Variants in PTPRD observed in about 807,000 individuals in gnomAD.
The protein encoded by PTPRD is receptor-type tyrosine-protein phosphatase delta.
Under a neutral mutation model 214.5 loss-of-function variants are expected in PTPRD, and 34 were observed. The ratio of observed to expected loss-of-function variants is 0.16; its 90% CI spans 0.12 to 0.21. PTPRD has a LOEUF of 0.21. Among genes scored for constraint, PTPRD ranks in the 10% least tolerant of loss-of-function variants. The pLI is 1.00. For missense variants in PTPRD, 2,545 were observed against 2,398.7 expected (o/e 1.06, Z -1.27); for synonymous variants, 1,128 against 845.7 (o/e 1.33, Z -5.79).
chr9:9,542,133 A>T (rs1035560556), intron 8 of PTPRD, among the ~76,000 whole-genome samples: 2 of 151,726 alleles, frequency 1.3e-5, no homozygotes, highest in African/African-American at 4.8e-5. Flanking sequence ...TTACAGAAAA[A>T]AACGAAAAAA....
At chr9:10,468,622 A>G (rs1331630891) in intron 2 of PTPRD, among the ~76,000 whole-genome samples, 1 of 152,194 alleles carries the variant, frequency 6.6e-6, no homozygotes, top group Admixed American at 6.5e-5. Flanking sequence ...CATTCTGCAC[A>G]TGTATCCCAG....
intron 4 of PTPRD, among the ~76,000 whole-genome samples, chr9:10,019,096 C>G (rs528085795): frequency 6.6e-6 from 1 of 152,056 alleles, no homozygotes; most frequent in East Asian, 1.9e-4. Flanking sequence ...AACAAACAAC[C>G]CCATCAAAAA....
chr9:8,764,104 G>A (rs2094563933), intron 11 of PTPRD, among the ~76,000 whole-genome samples: 1 of 152,118 alleles, frequency 6.6e-6, no homozygotes, highest in Non-Finnish European at 1.5e-5. Context: ...AATAAATTAA[G>A]GACACTCTCA....
At chr9:10,482,818 G>A (rs140317952) in intron 2 of PTPRD, among the ~76,000 whole-genome samples, 10 of 151,964 alleles carry the variant, frequency 6.6e-5, no homozygotes, top group Admixed American at 1.3e-4. Context: ...CAGATGACAC[G>A]AACAAATGGA....
intron 30 of PTPRD, among the ~76,000 whole-genome samples, chr9:8,475,753 C>G (rs1226026513): frequency 6.6e-6 from 1 of 152,140 alleles, no homozygotes; most frequent in Admixed American, 6.6e-5. Flanking sequence ...CATACTTAAT[C>G]TATTGCTAAG....
rs57991748 is a variant in PTPRD, at chr9:9,998,129, A to AAAAAATATAT, written c.-472+35588_-472+35589insATATATTTTT. Among the ~76,000 whole-genome samples the AAAAAATATAT allele has an allele frequency of 1.0e-3, 95 of 91,434 alleles. 1 individual carries two copies. The highest frequency in any genetic ancestry group is 2.1e-3 in the African/African-American group (36 of 16,996). 60.0% of individuals were successfully genotyped at this position (91,434 alleles called of 152,430 possible). On this transcript the variant is annotated intron_variant, in intron 4 of 45. Transcript: ENST00000381196. ...TTAAAGTATAATAAAAAAAAAAAAA[A>AAAAAATATAT]ATATATATATATATATAAAAGAAGA...
At chr9:9,430,229 A>G (rs541881009) in intron 8 of PTPRD, among the ~76,000 whole-genome samples, 34 of 152,314 alleles carry the variant, frequency 2.2e-4, no homozygotes, top group Non-Finnish European at 4.6e-4. Context: ...TCAATGTGCA[A>G]AAATCACAAG....
chr9:8,726,990 A>G (rs559750639), intron 12 of PTPRD, among the ~76,000 whole-genome samples: 87 of 152,016 alleles, frequency 5.7e-4, no homozygotes, highest in African/African-American at 2.1e-3. Flanking sequence ...GAAAGGGAAA[A>G]GAAAAAGAAG....
chr9:9,626,222 C>A (rs2095421415), intron 7 of PTPRD, among the ~76,000 whole-genome samples: 1 of 152,188 alleles, frequency 6.6e-6, no homozygotes, highest in South Asian at 2.1e-4. Context: ...TATTTCCTTT[C>A]ACGTAACTCA....
chr9:9,668,242 T>G (rs191031511), intron 7 of PTPRD, among the ~76,000 whole-genome samples: 7 of 152,162 alleles, frequency 4.6e-5, no homozygotes, highest in African/African-American at 1.7e-4. Context: ...ATTTTCCCCC[T>G]TATGCAACAC....
chr9:9,704,114 A>T (rs2097551901), intron 7 of PTPRD, among the ~76,000 whole-genome samples: 1 of 152,142 alleles, frequency 6.6e-6, no homozygotes, highest in Admixed American at 6.6e-5. Context: ...TAGCCTTTTT[A>T]AAATTTATAT....
chr9:8,906,668 T>C (rs2098709981), intron 11 of PTPRD, among the ~76,000 whole-genome samples: 1 of 152,146 alleles, frequency 6.6e-6, no homozygotes, highest in Non-Finnish European at 1.5e-5. Flanking sequence ...CTGGGGTTCC[T>C]CCCATTTGTC....
At chr9:8,698,747 G>A (rs752310178) in intron 12 of PTPRD, among the ~76,000 whole-genome samples, 2 of 152,028 alleles carry the variant, frequency 1.3e-5, no homozygotes, top group Non-Finnish European at 2.9e-5. Context: ...TACAGAAATC[G>A]CCTTTTCGCA....
chr9:10,328,913 T>C lies in PTPRD; in HGVS notation c.-545+12050A>G, dbSNP rs370175195. On this transcript the variant is annotated intron_variant, in intron 3 of 45. Transcript: ENST00000381196. Reference sequence around the variant, plus strand: ...CAGTTCTTTCGCACCTTTGTTAACATGGCCTGAGATTGTTTCTACCTTCTC... The same window carrying C: ...CAGTTCTTTCGCACCTTTGTTAACACGGCCTGAGATTGTTTCTACCTTCTC... 7.6e-4 allele frequency among the ~76,000 whole-genome samples: 116 copies of C among 151,864 alleles called. 2 individuals are homozygous for C. The South Asian group carries it at 0.021, about 28-fold the overall frequency.
intron 14 of PTPRD, among the ~76,000 whole-genome samples, chr9:8,535,624 T>C (rs539094723): frequency 3.9e-5 from 6 of 152,036 alleles, no homozygotes; most frequent in Non-Finnish European, 8.8e-5. Flanking sequence ...GGGCATTAAG[T>C]ATTCCTCATC....
chr9:8,923,029 C>CT (rs1465560790), intron 11 of PTPRD, among the ~76,000 whole-genome samples: 1 of 106,024 alleles, frequency 9.4e-6, no homozygotes, highest in Non-Finnish European at 1.8e-5. Flanking sequence ...CTTTTTCTCT[C>CT]TTTTTGTCTG....
At chr9:8,749,021 A>AT (rs1565770710) in intron 11 of PTPRD, among the ~76,000 whole-genome samples, 1 of 152,186 alleles carries the variant, frequency 6.6e-6, no homozygotes, top group Non-Finnish European at 1.5e-5. Flanking sequence ...GTATTTATAT[A>AT]TTATATACAT....
At chr9:8,506,116 C>T (rs2097538464) in intron 22 of PTPRD, among the ~76,000 whole-genome samples, 1 of 152,178 alleles carries the variant, frequency 6.6e-6, no homozygotes, top group Non-Finnish European at 1.5e-5. Context: ...CAGAAGTTTA[C>T]AAGAACATAT....
At chr9:8,855,245 T>A (rs1419903510) in intron 11 of PTPRD, among the ~76,000 whole-genome samples, 2 of 151,982 alleles carry the variant, frequency 1.3e-5, no homozygotes, top group African/African-American at 4.8e-5. Context: ...TAGCAGCAGA[T>A]GAGGGGATTC....
Sources: gnomAD v4.1 joint callset for allele counts (sites outside exome capture counted in the v4.1 genomes callset) on GRCh38, gnomAD v4.1.1 for gene constraint, MANE v1.5 for transcripts, NCBI Gene and HGNC (gene_info 2026-07-23, HGNC 2026-07-21) for gene names.